UBE3D: variants seen among roughly 807,000 people sequenced by gnomAD.
The protein encoded by UBE3D is ubiquitin protein ligase E3D, also known as E3 ubiquitin-protein ligase E3D.
UBE3D carries 48 observed loss-of-function variants against 49.6 expected under a neutral mutation model. The observed-to-expected ratio is 0.97, with a 90% CI of 0.77 to 1.23. The LOEUF (loss-of-function observed/expected upper bound fraction) is 1.23. Among genes scored for constraint, UBE3D ranks in the 50% most tolerant of loss-of-function variants. UBE3D has a pLI of 0.00. For synonymous variants in UBE3D, 189 were observed against 174.2 expected (o/e 1.08, Z -0.67); for missense variants, 452 against 468.4 (o/e 0.96, Z 0.32).
chr6:82,904,350 A>G lies in UBE3D; in HGVS notation c.1150-11308T>C, dbSNP rs563492391. On this transcript the variant is annotated intron_variant, in intron 9 of 9. Coordinates refer to ENST00000369747, the MANE Select transcript of UBE3D (RefSeq NM_198920.3). ...CCACGTTAAACGAGGACTACTGTAC[A>G]TTACACAGAGAGAAGTAAAAACAGA... Among the ~76,000 whole-genome samples the G allele has an allele frequency of 2.0e-5, 3 of 152,374 alleles. No individual in the cohort carries two copies. The East Asian group carries it at 5.8e-4, about 29-fold the overall frequency.
chr6:82,881,341 A>G, the UBE3D span, among the ~76,000 whole-genome samples: 2 of 152,178 alleles, frequency 1.3e-5, no homozygotes, highest in South Asian at 2.1e-4. Context: ...AGGTAGGAAT[A>G]TGAGGGTGGG....
At chr6:83,060,711 T>C (rs1009157289) in intron 1 of UBE3D, among the ~76,000 whole-genome samples, 4 of 152,104 alleles carry the variant, frequency 2.6e-5, no homozygotes, top group Non-Finnish European at 5.9e-5. Context: ...GAAATATGCC[T>C]GGAACATGTT....
At chr6:83,045,371 A>G (rs140516623) in intron 3 of UBE3D, among the ~76,000 whole-genome samples, 2 of 152,192 alleles carry the variant, frequency 1.3e-5, no homozygotes, top group African/African-American at 4.8e-5. Flanking sequence ...TTAACTGGCA[A>G]CTCTTAAATT....
At chr6:82,964,143 T>G (rs1487122578) in intron 8 of UBE3D, among the ~76,000 whole-genome samples, 1 of 148,066 alleles carries the variant, frequency 6.8e-6, no homozygotes, top group Non-Finnish European at 1.5e-5. Flanking sequence ...TTTTGCCTTG[T>G]CAAAATTCCC....
chr6:82,917,745 C>T (rs1221998526), intron 9 of UBE3D, among the ~76,000 whole-genome samples: 1 of 152,164 alleles, frequency 6.6e-6, no homozygotes, highest in East Asian at 1.9e-4. Context: ...AAGACAAAGG[C>T]AGAGACTTAA....
intron 8 of UBE3D, among the ~76,000 whole-genome samples, chr6:82,984,676 C>A (rs1582548436): frequency 6.6e-6 from 1 of 152,140 alleles, no homozygotes; most frequent in East Asian, 1.9e-4. Context: ...CTTTTCATTT[C>A]TTTTCTGATG....
chr6:83,033,107 C>T (rs772577629), intron 5 of UBE3D, among the ~76,000 whole-genome samples: 2 of 152,100 alleles, frequency 1.3e-5, no homozygotes, highest in African/African-American at 4.8e-5. Context: ...ACCTGACAAT[C>T]ATGGTGGCAG....
intron 1 of UBE3D, 61 bp downstream of exon 1, chr6:83,065,581 C>T: frequency 6.5e-7 from 1 of 1,533,502 alleles, no homozygotes; most frequent in Non-Finnish European, 9.0e-7. Flanking sequence ...ACTCACCAGC[C>T]CCCGACCCCC....
chr6:83,058,176 G>T lies in UBE3D; in HGVS notation c.78-154C>A, dbSNP rs188069755. On this transcript the variant is annotated intron_variant, in intron 1 of 9. Transcript: ENST00000369747. Reference sequence around the variant, plus strand: ...AAACAGCAGCAAGCAGATCATAAAGGAAAGCAACCTACACTAGATTTAGAT... The same window carrying T: ...AAACAGCAGCAAGCAGATCATAAAGTAAAGCAACCTACACTAGATTTAGAT... Among the ~76,000 whole-genome samples, 173 of 152,194 alleles carry T rather than the reference G, an allele frequency of 1.1e-3. 3 individuals are homozygous for T. The highest frequency in any genetic ancestry group is 4.0e-3 in the African/African-American group (168 of 41,530).
At chr6:83,040,893 C>T (rs936107168) in intron 4 of UBE3D, among the ~76,000 whole-genome samples, 2 of 152,196 alleles carry the variant, frequency 1.3e-5, no homozygotes, top group Admixed American at 1.3e-4. Context: ...GAGACAGACA[C>T]AGAAACCTAG....
chr6:82,934,932 ATATATATG>A (rs1774443667), intron 9 of UBE3D, among the ~76,000 whole-genome samples: 1 of 129,064 alleles, frequency 7.7e-6, no homozygotes, highest in Admixed American at 8.4e-5. Context: ...AATCACATAT[ATATATATG>A]TATATATGTA....
intron 3 of UBE3D, among the ~76,000 whole-genome samples, chr6:83,048,001 G>A (rs1783188673): frequency 7.6e-6 from 1 of 131,942 alleles, no homozygotes; most frequent in Non-Finnish European, 1.5e-5. Flanking sequence ...AGAATGGCCT[G>A]AACCCGGGAG....
chr6:82,982,758 T>C (rs1365261674), intron 8 of UBE3D, among the ~76,000 whole-genome samples: 1 of 152,182 alleles, frequency 6.6e-6, no homozygotes, highest in Non-Finnish European at 1.5e-5. Flanking sequence ...ACAAGTTCCA[T>C]TACTTCATGA....
At chr6:82,926,343 C>T (rs1407612409) in intron 9 of UBE3D, among the ~76,000 whole-genome samples, 1 of 152,010 alleles carries the variant, frequency 6.6e-6, no homozygotes, top group Non-Finnish European at 1.5e-5. Context: ...CTGTATGTAT[C>T]ATAGTTTATC....
intron 9 of UBE3D, among the ~76,000 whole-genome samples, chr6:82,937,977 A>G (rs1048313790): frequency 6.6e-6 from 1 of 152,094 alleles, no homozygotes; most frequent in African/African-American, 2.4e-5. Flanking sequence ...TGGAGAGCAC[A>G]CGGGCGTGTG....
chr6:82,962,467 T>C (rs1776625513), intron 8 of UBE3D, among the ~76,000 whole-genome samples: 1 of 152,150 alleles, frequency 6.6e-6, no homozygotes, highest in Non-Finnish European at 1.5e-5. Flanking sequence ...GTCCAATGTA[T>C]CAAACTATCA....
chr6:82,968,032 T>A (rs1483376923), intron 8 of UBE3D, among the ~76,000 whole-genome samples: 4 of 152,104 alleles, frequency 2.6e-5, no homozygotes, highest in Non-Finnish European at 5.9e-5. Flanking sequence ...TTGGGCTGAT[T>A]CAGTTTGGGG....
At chr6:82,963,093 A>C (rs1490558344) in intron 8 of UBE3D, among the ~76,000 whole-genome samples, 1 of 152,160 alleles carries the variant, frequency 6.6e-6, no homozygotes, top group East Asian at 1.9e-4. Flanking sequence ...ATTCATACAT[A>C]TGAACAAAGA....
intron 8 of UBE3D, among the ~76,000 whole-genome samples, chr6:82,970,074 T>TTA (rs1307600849): frequency 6.8e-6 from 1 of 148,108 alleles, no homozygotes. Flanking sequence ...TGATATACTA[T>TTA]TATATATATA....
Sources: allele counts gnomAD v4.1 joint callset (sites outside exome capture counted in the v4.1 genomes callset), GRCh38; gene constraint gnomAD v4.1.1; transcripts MANE v1.5; gene names NCBI Gene and HGNC (gene_info 2026-07-23, HGNC 2026-07-21).